KIR3DL1: variants seen among roughly 807,000 people sequenced by gnomAD.
KIR3DL1 encodes the protein killer cell immunoglobulin like receptor, three Ig domains and long cytoplasmic tail 1.
Under a neutral mutation model 40.3 loss-of-function variants are expected in KIR3DL1, and 50 were observed. That is an observed-to-expected ratio of 1.24 (90% CI 0.99 to 1.57). The LOEUF (loss-of-function observed/expected upper bound fraction) is 1.57, where lower values mean the gene tolerates loss of function less well. KIR3DL1 is among the 40% of genes most tolerant of loss of function. KIR3DL1 has a pLI of 0.00. For missense variants in KIR3DL1, 661 were observed against 559.9 expected (o/e 1.18, Z -1.82); for synonymous variants, 257 against 207.2 (o/e 1.24, Z -2.07).
At position 54,824,168 on chromosome 19, in the gene KIR3DL1, G is replaced by C. The variant is rs866229210; in HGVS notation, c.950-860G>C. On this transcript the variant is annotated intron_variant, in intron 5 of 8. Transcript: ENST00000391728. ...GAAGGTTTTAAACAAAATGTCTTTC[G>C]TCAGACAAATGTCTTCCCCATTATT... Among the ~76,000 whole-genome samples, 406 of 151,624 alleles carry C rather than the reference G, an allele frequency of 2.7e-3. 12 individuals are homozygous for C. Among genetic ancestry groups the C allele is most frequent in the African/African-American group, 9.0e-3 (370 of 41,184 alleles).
intron 6 of KIR3DL1, among the ~76,000 whole-genome samples, chr19:54,827,071 A>ATGTGGTGCTGATTTAGACCC (rs1468706830): frequency 7.9e-5 from 12 of 151,748 alleles, no homozygotes; most frequent in Middle Eastern, 3.4e-3. Flanking sequence ...CACTGGTGAA[A>ATGTGGTGCTGATTTAGACCC]TGTGGTGCTG....
Position 54,818,297 on chromosome 19 carries a change from T to G in KIR3DL1, c.71-18T>G. ...CTCCACATCCTCCTCTCTAAGGCAG[T>G]GCCTCCTTCTCCCCCAGGTGGTCAG... On this transcript the variant is annotated intron_variant, in intron 2 of 8. Transcript: ENST00000391728. The G allele has an allele frequency of 2.5e-6, 4 of 1,589,662 alleles. No homozygotes were observed. The Admixed American group carries it at 5.1e-5, about 20-fold the overall frequency.
chr19:54,819,908 C>A lies in KIR3DL1; in HGVS notation c.551C>A (p.Pro184His), dbSNP rs559245017. The change falls in exon 4 of 9, where the codon CCC becomes CAC. Residue 184 changes from proline (P) to histidine (H), a missense_variant. Coordinates refer to ENST00000391728, the Ensembl canonical transcript of KIR3DL1. ...TCCAAGGCCAATTTCTCCATCGGTC[C>A]CATGATGCTTGCCCTTGCAGGGACC... The A allele has an allele frequency of 3.5e-5, 56 of 1,612,134 alleles. No homozygotes were observed. Among genetic ancestry groups the A allele is most frequent in the Non-Finnish European group, 4.7e-5 (55 of 1,179,562 alleles).
chr19:54,821,502 A>T lies in KIR3DL1; in HGVS notation c.656-63A>T, dbSNP rs2061631319. ...GAGCAGGGGAGTGAGTTCTCAGCTC[A>T]GGTATGAGGGGAGCTATGACAAGGA... On this transcript the variant is annotated intron_variant, in intron 4 of 8. Transcript: ENST00000391728. The T allele has an allele frequency of 3.3e-6, 5 of 1,531,346 alleles. No homozygotes were observed. In the South Asian group the frequency reaches 5.8e-5, roughly 18 times the overall value. The allele number at this position is 1,531,346 out of a possible 1,614,324, so 94.9% of individuals were successfully genotyped here. A position where few individuals can be genotyped will look rare whatever the true frequency, so the allele number is the denominator to read the frequency against.
chr19:54,828,502 T>A (rs1338348087), intron 6 of KIR3DL1, among the ~76,000 whole-genome samples: 1 of 151,088 alleles, frequency 6.6e-6, no homozygotes, highest in African/African-American at 2.5e-5. Flanking sequence ...TACATTTCAA[T>A]GTGAGCCAGT....
Position 54,819,792 on chromosome 19 carries a change from G to A in KIR3DL1, c.435G>A (p.Trp145Ter). The change falls in exon 4 of 9, where the codon TGG becomes TGA. Residue 145 changes from tryptophan (W) to a stop codon, truncating the protein, a stop_gained. Coordinates refer to ENST00000391728, the Ensembl canonical transcript of KIR3DL1. LOFTEE classifies it high-confidence loss of function. ...GAGAGAGAGTCATCCTGCAATGTTG[G>A]TCAGATATCATGTTTGAGCACTTCT... 2 of 1,611,638 alleles carry A rather than the reference G, an allele frequency of 1.2e-6. No individual in the cohort carries two copies. Among genetic ancestry groups the A allele is most frequent in the South Asian group, 2.2e-5 (2 of 90,666 alleles).
rs1205545503 is a variant in KIR3DL1 at position 54,817,140 on chromosome 19, AG to A, written c.35-393del. The stretch of plus-strand genomic sequence containing the variant: ...GGAGATATGGGCCTGGAGAGGAGAT[AG>A]AAGCCTGGAGTGGAAATATGGGCCT... On this transcript the variant is annotated intron_variant, in intron 1 of 8. Coordinates refer to ENST00000391728, the Ensembl canonical transcript of KIR3DL1. Among the ~76,000 whole-genome samples, 48 of 145,146 alleles carry A rather than the reference AG, an allele frequency of 3.3e-4. 3 individuals are homozygous for A. Among genetic ancestry groups the A allele is most frequent in the Admixed American group, 2.9e-3 (43 of 14,630 alleles).
chr19:54,830,355 C>T, exon 9 of KIR3DL1: 1 of 1,399,200 alleles, frequency 7.1e-7, no homozygotes, highest in Non-Finnish European at 9.9e-7. Context: ...CTCCCATGTA[C>T]CAGCAGCTGG....
chr19:54,821,807 T>G lies in KIR3DL1; in HGVS notation c.898T>G (p.Ser300Ala), dbSNP rs561931925. 127 of 1,605,326 alleles carry G rather than the reference T, an allele frequency of 7.9e-5. 3 individuals carry two copies. In the African/African-American group the frequency reaches 1.6e-3, roughly 20 times the overall value. The change falls in exon 5 of 9, where the codon TCT becomes GCT. Residue 300 changes from serine to alanine, a missense_variant. Ser to Ala is a moderately conservative substitution (Grantham distance 99, BLOSUM62 1). Transcript: ENST00000391728. ...CAGATGCTTCGGCTCTTTCCGTCAC[T>G]CTCCCTACGAGTGGTCAGACCCGAG...
At chr19:54,823,058 G>C (rs1438611220) in intron 5 of KIR3DL1, among the ~76,000 whole-genome samples, 1 of 147,890 alleles carries the variant, frequency 6.8e-6, no homozygotes, top group East Asian at 2.0e-4. Flanking sequence ...TTTTGAGAAA[G>C]AGTTTCCCTC....
At chr19:54,827,830 C>A (rs1447664103) in intron 6 of KIR3DL1, among the ~76,000 whole-genome samples, 2 of 150,528 alleles carry the variant, frequency 1.3e-5, no homozygotes, top group African/African-American at 2.5e-5. Flanking sequence ...TCCTCCAGCA[C>A]AAATCCTGGA....
intron 5 of KIR3DL1, among the ~76,000 whole-genome samples, 155 bp downstream of exon 5, chr19:54,822,013 C>T (rs1317207548): frequency 6.6e-6 from 1 of 151,218 alleles, no homozygotes; most frequent in South Asian, 2.1e-4. Flanking sequence ...GACAGGGCAC[C>T]TCCAAACCCT....
At chr19:54,826,296 C>A (rs34891547) in intron 6 of KIR3DL1, among the ~76,000 whole-genome samples, 1 of 141,964 alleles carries the variant, frequency 7.0e-6, no homozygotes, top group African/African-American at 2.7e-5. Flanking sequence ...AGCATCTGTG[C>A]ATGAAATCTA....
intron 5 of KIR3DL1, 143 bp downstream of exon 5, chr19:54,822,001 C>A: frequency 9.9e-7 from 1 of 1,010,850 alleles, no homozygotes; most frequent in Non-Finnish European, 1.5e-6. Flanking sequence ...CGCAGGATGG[C>A]AGACAGGGCA....
chr19:54,822,717 T>A (rs1032116121), intron 5 of KIR3DL1, among the ~76,000 whole-genome samples: 9 of 149,504 alleles, frequency 6.0e-5, no homozygotes, highest in African/African-American at 2.2e-4. Flanking sequence ...ATTCTCCACC[T>A]TCATGAGATC....
At chr19:54,826,432 A>C (rs139681672) in intron 6 of KIR3DL1, among the ~76,000 whole-genome samples, 17,428 of 143,642 alleles carry the variant, frequency 0.12, 267 homozygotes, top group Non-Finnish European at 0.14. Flanking sequence ...CTCCTGCCTC[A>C]CCCTCTCGAG....
At chr19:54,818,003 C>G (rs1481067050) in intron 2 of KIR3DL1, among the ~76,000 whole-genome samples, 1 of 149,080 alleles carries the variant, frequency 6.7e-6, no homozygotes, top group East Asian at 2.0e-4. Context: ...CTCAGTTCAT[C>G]AATTGGCTGA....
chr19:54,818,416 T>C, exon 3 of KIR3DL1: 1 of 1,607,692 alleles, frequency 6.2e-7, no homozygotes, highest in East Asian at 2.2e-5. Context: ...GTTTAACAAT[T>C]TCATGCTATA....
chr19:54,817,013 A>C (rs1291312865), intron 1 of KIR3DL1, among the ~76,000 whole-genome samples: 3 of 97,756 alleles, frequency 3.1e-5, no homozygotes, highest in African/African-American at 8.3e-5. Context: ...AGTTAAGGGC[A>C]TGAAGTGGAG....
Sources: allele counts gnomAD v4.1 joint callset (sites outside exome capture counted in the v4.1 genomes callset), GRCh38; gene constraint gnomAD v4.1.1; transcripts MANE v1.5; gene names NCBI Gene and HGNC (gene_info 2026-07-23, HGNC 2026-07-21).